JAKMIP2: variants seen among roughly 807,000 people sequenced by gnomAD.
The protein encoded by JAKMIP2 is janus kinase and microtubule interacting protein 2.
In JAKMIP2, 25 loss-of-function variants were observed where a neutral mutation model predicts 115.0. That is an observed-to-expected ratio of 0.22 (90% CI 0.16 to 0.30). JAKMIP2 has a LOEUF of 0.30. JAKMIP2 is among the 10% of genes least tolerant of loss of function. The pLI is 1.00. For missense variants in JAKMIP2, 642 were observed against 957.6 expected (o/e 0.67, Z 4.35); for synonymous variants, 334 against 343.6 (o/e 0.97, Z 0.31).
At chr5:147,702,619 A>AGAAGGAAG (rs1561547448) in intron 1 of JAKMIP2, among the ~76,000 whole-genome samples, 1 of 96,254 alleles carries the variant, frequency 1.0e-5, no homozygotes, top group Non-Finnish European at 2.1e-5. Context: ...AAAGAAAGAA[A>AGAAGGAAG]GAAAGAAAGA....
chr5:147,632,443 G>T (rs1757407073), intron 13 of JAKMIP2, among the ~76,000 whole-genome samples: 1 of 152,092 alleles, frequency 6.6e-6, no homozygotes, highest in African/African-American at 2.4e-5. Context: ...ATGTTGAAAA[G>T]CACAGTATCT....
chr5:147,671,981 T>A (rs974982467), intron 1 of JAKMIP2, 27 bp from the exon 2 acceptor site: 4 of 1,239,404 alleles, frequency 3.2e-6, no homozygotes, highest in Non-Finnish European at 4.0e-6. Context: ...ATAGTAGTTA[T>A]TGTTTTGGCA....
chr5:147,731,062 T>C (rs145706228), intron 1 of JAKMIP2, among the ~76,000 whole-genome samples: 10 of 152,200 alleles, frequency 6.6e-5, no homozygotes, highest in African/African-American at 2.2e-4. Context: ...AGTTGTTAGA[T>C]TGGAACAAAA....
intron 1 of JAKMIP2, among the ~76,000 whole-genome samples, chr5:147,696,990 T>C (rs1752130604): frequency 6.6e-6 from 1 of 152,100 alleles, no homozygotes; most frequent in South Asian, 2.1e-4. Context: ...CATAAAAGTT[T>C]GGAAAATTTG....
chr5:147,700,347 A>G (rs1835943), intron 1 of JAKMIP2, among the ~76,000 whole-genome samples: 47,310 of 152,044 alleles, frequency 0.31, 9,225 homozygotes, highest in African/African-American at 0.53. Context: ...GATGGTAAAC[A>G]TTAGGTTAGA....
In JAKMIP2 at chr5:147,586,671, T is replaced by C. The variant is rs1433890399; in HGVS notation, c.*5036A>G. ...TATCTCTGCCACATTAATTTGAATA[T>C]AGGAAATTATAATCCTATTTTTGCT... is the stretch of plus-strand genomic sequence containing the variant. On this transcript the variant is annotated 3_prime_UTR_variant, in exon 22 of 22. Transcript: ENST00000616793. The C allele has an allele frequency of 1.3e-5, 2 of 152,058 alleles. No individual in the cohort carries two copies. Among genetic ancestry groups the C allele is most frequent in the African/African-American group, 2.4e-5 (1 of 41,410 alleles). 9.4% of individuals were successfully genotyped at this position (152,058 alleles called of 1,614,324 possible). A position where few individuals can be genotyped will look rare whatever the true frequency, so the allele number is the denominator to read the frequency against.
chr5:147,612,222 G>T (rs1756364129), intron 20 of JAKMIP2, 84 bp downstream of exon 20: 2 of 932,706 alleles, frequency 2.1e-6, no homozygotes, highest in South Asian at 1.3e-5. Context: ...TAACTGAGAA[G>T]CCAGGAAGAA....
At position 147,671,828 on chromosome 5, in the gene JAKMIP2, T is replaced by G; in HGVS notation, c.-22A>C. On this transcript the variant is annotated 5_prime_UTR_variant, in exon 2 of 22. Coordinates refer to ENST00000616793, the MANE Select transcript of JAKMIP2 (RefSeq NM_001270941.2). ...ACATTGTTCCTTTCTAAATGGAGTC[T>G]GTTGGTTTTTAATTTCTTTCAAGCA... The G allele has an allele frequency of 2.6e-6, 4 of 1,531,562 alleles. No homozygotes were observed. In the South Asian group the frequency reaches 3.8e-5, roughly 15 times the overall value. 94.9% of individuals were successfully genotyped at this position (1,531,562 alleles called of 1,614,324 possible).
At chr5:147,644,525 G>A (rs936476349) in intron 6 of JAKMIP2, among the ~76,000 whole-genome samples, 14 of 152,230 alleles carry the variant, frequency 9.2e-5, no homozygotes, top group African/African-American at 3.4e-4. Context: ...GTGTGCCTGG[G>A]GTATAGGTCT....
chr5:147,736,514 A>C (rs573361677), intron 1 of JAKMIP2, among the ~76,000 whole-genome samples: 43 of 152,252 alleles, frequency 2.8e-4, no homozygotes, highest in South Asian at 8.3e-4. Context: ...CATTGCCAGA[A>C]GCATTTTAGG....
chr5:147,764,922 G>GAAAGAAAGAA (rs550191358), intron 1 of JAKMIP2, among the ~76,000 whole-genome samples: 3 of 71,740 alleles, frequency 4.2e-5, no homozygotes, highest in African/African-American at 1.7e-4. Flanking sequence ...AAGAAAGAAA[G>GAAAGAAAGAA]AGAGAGAGAG....
At chr5:147,641,616 G>C (rs907164087) in intron 8 of JAKMIP2, 92 bp downstream of exon 8, 5 of 865,754 alleles carry the variant, frequency 5.8e-6, no homozygotes, top group African/African-American at 1.7e-5. Flanking sequence ...TGGAACACCT[G>C]ATTCATCACA....
chr5:147,610,270 G>A (rs1434978023), intron 20 of JAKMIP2, among the ~76,000 whole-genome samples: 1 of 152,106 alleles, frequency 6.6e-6, no homozygotes, highest in African/African-American at 2.4e-5. Flanking sequence ...AGGCATTCTG[G>A]TTTTTGGAAT....
intron 20 of JAKMIP2, among the ~76,000 whole-genome samples, chr5:147,609,932 G>A (rs1428883902): frequency 6.6e-6 from 1 of 151,802 alleles, no homozygotes; most frequent in African/African-American, 2.4e-5. Context: ...ATTTCATTAA[G>A]TTGATCAATC....
rs773456226 is a variant in JAKMIP2 at position 147,588,617 on chromosome 5, T to A, written c.*3090A>T. 4 of 152,138 alleles carry A rather than the reference T, an allele frequency of 2.6e-5. No homozygotes were observed. The East Asian group carries it at 5.8e-4, about 22-fold the overall frequency. 9.4% of individuals were successfully genotyped at this position (152,138 alleles called of 1,614,324 possible). On this transcript the variant is annotated 3_prime_UTR_variant, in exon 22 of 22. Transcript: ENST00000616793. The stretch of plus-strand genomic sequence containing the variant: ...AAGGATATATTCATTTTGAGGCTCA[T>A]GAGCAAGAGTTGGTAAAAATTACAG...
chr5:147,703,337 T>C (rs912329014), intron 1 of JAKMIP2, among the ~76,000 whole-genome samples: 3 of 152,154 alleles, frequency 2.0e-5, no homozygotes, highest in Non-Finnish European at 4.4e-5. Context: ...TAAGTATTTA[T>C]GTATCTAAAC....
intron 1 of JAKMIP2, among the ~76,000 whole-genome samples, chr5:147,695,650 C>CTGTGTGTGTGTGTGTGTGTGTG (rs572202242): frequency 5.6e-5 from 8 of 142,908 alleles, no homozygotes; most frequent in African/African-American, 1.8e-4. Flanking sequence ...AGTGAAAGGT[C>CTGTGTGTGTGTGTGTGTGTGTG]TGTGTGTGTG....
At chr5:147,658,696 A>T (rs1758803790) in intron 3 of JAKMIP2, among the ~76,000 whole-genome samples, 1 of 152,054 alleles carries the variant, frequency 6.6e-6, no homozygotes, top group African/African-American at 2.4e-5. Flanking sequence ...CCCTGAATGG[A>T]GCTGCTGGAT....
chr5:147,621,784 T>A (rs140347657), intron 17 of JAKMIP2, among the ~76,000 whole-genome samples: 128 of 152,360 alleles, frequency 8.4e-4, no homozygotes, highest in African/African-American at 3.0e-3. Flanking sequence ...AAATGCAAGT[T>A]GTTTTTATAG....
Sources: allele counts gnomAD v4.1 joint callset (sites outside exome capture counted in the v4.1 genomes callset), GRCh38; gene constraint gnomAD v4.1.1; transcripts MANE v1.5; gene names NCBI Gene and HGNC (gene_info 2026-07-23, HGNC 2026-07-21).